RYR2: variants seen among roughly 807,000 people sequenced by gnomAD.
RYR2 encodes the protein cardiac muscle ryanodine receptor-calcium release channel.
RYR2 carries 227 observed loss-of-function variants against 601.1 expected under a neutral mutation model. The observed-to-expected ratio is 0.38, with a 90% CI of 0.34 to 0.42. RYR2 has a LOEUF of 0.42. RYR2 is among the 10% of genes least tolerant of loss of function. The pLI is 1.00. For synonymous variants in RYR2, 2,223 were observed against 2,175.1 expected (o/e 1.02, Z -0.61); for missense variants, 4,646 against 6,156.5 (o/e 0.75, Z 8.21).
intron 1 of RYR2, 60 bp from the exon 2 acceptor site, chr1:237,270,437 T>C: frequency 6.5e-7 from 1 of 1,546,742 alleles, no homozygotes; most frequent in Non-Finnish European, 8.8e-7. Flanking sequence ...AGATATGATT[T>C]GGACTGTGCA....
Position 237,643,301 on chromosome 1 carries a change from CTAA to C in RYR2, c.7222-24_7222-22del, listed in dbSNP as rs773761889. 3.1e-6 allele frequency: 5 copies of C among 1,605,256 alleles called. No individual in the cohort carries two copies. In the Admixed American group the frequency reaches 8.5e-5, roughly 27 times the overall value. On this transcript the variant is annotated intron_variant, in intron 47 of 104. Coordinates refer to ENST00000366574, the MANE Select transcript of RYR2 (RefSeq NM_001035.3). ...GTAACATTGATGTCACAAAGTTGTT[CTAA>C]TGTTTTTTTTTCCCCTGTATAGTTG...
intron 17 of RYR2, among the ~76,000 whole-genome samples, chr1:237,475,031 C>T (rs1359709798): frequency 6.6e-6 from 1 of 152,122 alleles, no homozygotes. Flanking sequence ...GGACAGATCA[C>T]ATTTAATAAA....
intron 97 of RYR2, among the ~76,000 whole-genome samples, chr1:237,799,427 TA>T (rs1255736467): frequency 6.6e-6 from 1 of 152,150 alleles, no homozygotes; most frequent in Non-Finnish European, 1.5e-5. Flanking sequence ...TCTGAAAAAA[TA>T]GAAGGGAAGT....
At chr1:237,399,932 A>C (rs1306504452) in intron 10 of RYR2, among the ~76,000 whole-genome samples, 9 of 152,184 alleles carry the variant, frequency 5.9e-5, no homozygotes. Flanking sequence ...GTTTGAGAAC[A>C]AAGGATAAAG....
intron 22 of RYR2, among the ~76,000 whole-genome samples, chr1:237,506,408 G>A (rs546151733): frequency 2.0e-5 from 3 of 152,188 alleles, no homozygotes; most frequent in African/African-American, 7.2e-5. Flanking sequence ...CGTAGTGGTG[G>A]GCACCTGCAT....
intron 1 of RYR2, among the ~76,000 whole-genome samples, chr1:237,136,922 CAGG>C (rs1273634397): frequency 6.9e-6 from 1 of 144,928 alleles, no homozygotes; most frequent in East Asian, 2.0e-4. Context: ...GAGGCTGAGG[CAGG>C]AGAATTGCTT....
intron 35 of RYR2, among the ~76,000 whole-genome samples, chr1:237,603,757 G>T (rs543477341): frequency 6.6e-6 from 1 of 151,914 alleles, no homozygotes; most frequent in Non-Finnish European, 1.5e-5. Context: ...GAAAACAAAG[G>T]CAGGGATTGC....
chr1:237,202,914 A>G (rs1681362934), intron 1 of RYR2, among the ~76,000 whole-genome samples: 1 of 152,216 alleles, frequency 6.6e-6, no homozygotes, highest in Non-Finnish European at 1.5e-5. Flanking sequence ...CAGCCCTTCC[A>G]AACAACATAG....
chr1:237,061,113 G>A (rs1662776291), intron 1 of RYR2, among the ~76,000 whole-genome samples: 1 of 152,100 alleles, frequency 6.6e-6, no homozygotes, highest in Admixed American at 6.5e-5. Context: ...ACTCATGATG[G>A]GGAACACCTG....
chr1:237,216,583 C>CA (rs925297200), intron 1 of RYR2, among the ~76,000 whole-genome samples: 4 of 151,430 alleles, frequency 2.6e-5, no homozygotes, highest in Non-Finnish European at 1.5e-5. Context: ...ACTAAAAATA[C>CA]AAAAAAATTA....
chr1:237,509,997 GA>G lies in RYR2; in HGVS notation c.2719-1689del, dbSNP rs990694204. Reference sequence around the variant, plus strand: ...GTGAGAAGCCAGGCCATGTATGCAGGAAGTGTGTCACAAAAGGCTTGGAAAG... The same window carrying G: ...GTGAGAAGCCAGGCCATGTATGCAGGAGTGTGTCACAAAAGGCTTGGAAAG... On this transcript the variant is annotated intron_variant, in intron 23 of 104. Transcript: ENST00000366574. Among the ~76,000 whole-genome samples, 64 of 152,210 alleles carry G rather than the reference GA, an allele frequency of 4.2e-4. 1 individual carries two copies. Among genetic ancestry groups the G allele is most frequent in the African/African-American group, 1.5e-3 (64 of 41,442 alleles).
intron 14 of RYR2, among the ~76,000 whole-genome samples, chr1:237,450,522 C>T (rs867824868): frequency 2.1e-5 from 3 of 146,340 alleles, no homozygotes; most frequent in African/African-American, 4.9e-5. Context: ...GTCCCTGCCC[C>T]GCCACTCCCC....
chr1:237,614,381 C>T lies in RYR2; in HGVS notation c.5253C>T (p.Ile1751=), dbSNP rs745565940. The change falls in exon 37 of 105, where the codon ATC becomes ATT. Residue 1751 remains isoleucine, a synonymous_variant. Coordinates refer to ENST00000366574, the MANE Select transcript of RYR2 (RefSeq NM_001035.3). The surrounding 1 kb of genome is among the most constrained non-coding windows in gnomAD (Gnocchi z 4.3). ...ACAAAAAACACGGCCTTCCAGGGATCGGCCTCAGCACCTCCCTCAGGCCAC... is the reference window on the plus strand; with the variant it reads ...ACAAAAAACACGGCCTTCCAGGGATTGGCCTCAGCACCTCCCTCAGGCCAC... ...DENKKHGLPG[I]GLSTSLRPRM... 2.5e-5 allele frequency: 40 copies of T among 1,613,870 alleles called. No homozygotes were observed. The highest frequency in any genetic ancestry group is 1.6e-4 in the Middle Eastern group (1 of 6,084).
chr1:237,815,052 A>G, intron 100 of RYR2, among the ~76,000 whole-genome samples: 1 of 149,000 alleles, frequency 6.7e-6, no homozygotes, highest in Non-Finnish European at 1.5e-5. Flanking sequence ...AAGCCAATAG[A>G]AACTATGATC....
At chr1:237,633,190 C>G (rs1156320729) in intron 42 of RYR2, among the ~76,000 whole-genome samples, 1 of 152,172 alleles carries the variant, frequency 6.6e-6, no homozygotes, top group Non-Finnish European at 1.5e-5. Flanking sequence ...AATTCACTCC[C>G]CTGCCCCTTA....
In RYR2 at chr1:237,641,123, G is replaced by A. The variant is rs940645523; in HGVS notation, c.7221+121G>A. On this transcript the variant is annotated intron_variant, in intron 47 of 104. Transcript: ENST00000366574. ...TCTTCATGCTCCATTAAAAATAATAGCTGCAGTCTAATCACTGAACAAGTG... is the reference window on the plus strand; with the variant it reads ...TCTTCATGCTCCATTAAAAATAATAACTGCAGTCTAATCACTGAACAAGTG... The A allele has an allele frequency of 1.0e-5, 6 of 593,608 alleles. No individual in the cohort carries two copies. The African/African-American group carries it at 1.1e-4, about 11-fold the overall frequency. The allele number at this position is 593,608 out of a possible 1,614,324, so 36.8% of individuals were successfully genotyped here.
rs201222455 is a variant in RYR2 at position 237,391,684 on chromosome 1, G to A, written c.773+3501G>A. On this transcript the variant is annotated intron_variant, in intron 10 of 104. Transcript: ENST00000366574. ...CTATTGAAAATCCACCTCAATAATGGGTTTTATGATTCTGGATATCAGTAG... is the reference window on the plus strand; with the variant it reads ...CTATTGAAAATCCACCTCAATAATGAGTTTTATGATTCTGGATATCAGTAG... 9.2e-5 allele frequency among the ~76,000 whole-genome samples: 14 copies of A among 151,968 alleles called. No homozygotes were observed. In the East Asian group the frequency reaches 2.7e-3, roughly 29 times the overall value.
chr1:237,100,863 T>C (rs1469069055), intron 1 of RYR2, among the ~76,000 whole-genome samples: 1 of 152,156 alleles, frequency 6.6e-6, no homozygotes, highest in African/African-American at 2.4e-5. Flanking sequence ...TCACGTGGCA[T>C]GGGGCCCCCT....
rs1265667422 is a variant in RYR2 at position 237,784,618 on chromosome 1, C to T, written c.12906C>T (p.Phe4302=). ...MTLLHFVASV[F]RGFFRIICSL... Reference sequence around the variant, plus strand: ...TCTTGCACTTCGTGGCCAGCGTTTTCAGAGGCTTTTTCCGCATCATTTGCA... The same window carrying T: ...TCTTGCACTTCGTGGCCAGCGTTTTTAGAGGCTTTTTCCGCATCATTTGCA... The change falls in exon 90 of 105, where the codon TTC becomes TTT. Residue 4302 remains phenylalanine, a synonymous_variant. Coordinates refer to ENST00000366574, the MANE Select transcript of RYR2 (RefSeq NM_001035.3). The surrounding 1 kb of genome is among the most constrained non-coding windows in gnomAD (Gnocchi z 7.1). 4 of 1,613,762 alleles carry T rather than the reference C, an allele frequency of 2.5e-6. No individual in the cohort carries two copies. The highest frequency in any genetic ancestry group is 2.7e-5 in the African/African-American group (2 of 74,908).
Sources: allele counts gnomAD v4.1 joint callset (sites outside exome capture counted in the v4.1 genomes callset), GRCh38; gene constraint gnomAD v4.1.1; non-coding constraint Gnocchi (gnomAD v3.1); transcripts MANE v1.5; gene names NCBI Gene and HGNC (gene_info 2026-07-23, HGNC 2026-07-21).